MAD1L1: variants seen among roughly 807,000 people sequenced by gnomAD.
MAD1L1 encodes mitotic spindle assembly checkpoint protein MAD1.
Under a neutral mutation model 96.9 loss-of-function variants are expected in MAD1L1, and 95 were observed. That is an observed-to-expected ratio of 0.98 (90% CI 0.83 to 1.16). The LOEUF (loss-of-function observed/expected upper bound fraction) is 1.16, where lower values mean the gene tolerates loss of function less well. Ranked by LOEUF, MAD1L1 falls within the 50% of genes most tolerant of loss-of-function variation. The pLI is 0.00. For synonymous variants in MAD1L1, 473 were observed against 396.6 expected, an observed-to-expected ratio of 1.19 and a Z score of -2.29; for missense variants, 1,007 against 954.4, an observed-to-expected ratio of 1.06 and a Z score of -0.73.
At chr7:1,978,248 C>T (rs1371685068) in intron 15 of MAD1L1, among the ~76,000 whole-genome samples, 2 of 152,230 alleles carry the variant, frequency 1.3e-5, no homozygotes, top group Non-Finnish European at 2.9e-5. Context: ...TGGGCCATTC[C>T]TTCTGTCTCA....
At chr7:1,977,802 C>A (rs376789079) in intron 15 of MAD1L1, among the ~76,000 whole-genome samples, 1 of 152,238 alleles carries the variant, frequency 6.6e-6, no homozygotes, top group African/African-American at 2.4e-5. Flanking sequence ...TCTCAGAGAG[C>A]GGGGAGCCGT....
intron 11 of MAD1L1, among the ~76,000 whole-genome samples, chr7:2,085,303 C>T (rs1785857732): frequency 6.6e-6 from 1 of 152,192 alleles, no homozygotes; most frequent in Admixed American, 6.5e-5. Context: ...GAGCAAGTAA[C>T]GGTGCCTGCT....
At chr7:1,818,322 C>T (rs1488287054) in intron 18 of MAD1L1, among the ~76,000 whole-genome samples, 2 of 152,136 alleles carry the variant, frequency 1.3e-5, no homozygotes, top group African/African-American at 4.8e-5. Flanking sequence ...AGCTGTTTTC[C>T]AGGCACCCGC....
intron 12 of MAD1L1, among the ~76,000 whole-genome samples, chr7:2,035,281 AGCTGGG>A (rs1394914506): frequency 0.012 from 1,721 of 142,614 alleles, 16 homozygotes; most frequent in East Asian, 0.027. Context: ...GTCGGGACAG[AGCTGGG>A]GTCCAGGCTC....
chr7:1,904,294 G>A (rs6976858), intron 17 of MAD1L1, among the ~76,000 whole-genome samples: 32,406 of 136,060 alleles, frequency 0.24, 1,579 homozygotes, highest in South Asian at 0.33. Flanking sequence ...AGTGGCCTAT[G>A]GAAGACGCTC....
chr7:1,849,794 CGCAGTG>C (rs1273053856), intron 18 of MAD1L1: 13 of 111,904 alleles, frequency 1.2e-4, no homozygotes, highest in African/African-American at 3.1e-4. Flanking sequence ...AAGGTGACCC[CGCAGTG>C]GCAGCGGCAG....
intron 15 of MAD1L1, among the ~76,000 whole-genome samples, chr7:1,961,490 T>A (rs1361946311): frequency 1.3e-5 from 2 of 151,974 alleles, no homozygotes; most frequent in Non-Finnish European, 2.9e-5. Flanking sequence ...AAGGACAAAC[T>A]CTTCAACAAA....
chr7:2,195,510 CA>C (rs1487628650), intron 10 of MAD1L1, among the ~76,000 whole-genome samples: 1 of 152,166 alleles, frequency 6.6e-6, no homozygotes, highest in Non-Finnish European at 1.5e-5. Context: ...CCTATCAGCT[CA>C]AAAGCAGACA....
intron 10 of MAD1L1, among the ~76,000 whole-genome samples, chr7:2,172,613 G>T (rs527503705): frequency 2.6e-5 from 4 of 152,238 alleles, no homozygotes; most frequent in Non-Finnish European, 5.9e-5. Context: ...CACCTTGGCC[G>T]GCTCAACTTC....
At chr7:1,874,527 G>GT in intron 18 of MAD1L1, 1 of 455,762 alleles carries the variant, frequency 2.2e-6, no homozygotes, top group Non-Finnish European at 4.4e-6. Context: ...CGCACAGCTT[G>GT]TGGCTGAGTG....
intron 18 of MAD1L1, among the ~76,000 whole-genome samples, chr7:1,893,799 G>T (rs73288762): frequency 0.054 from 8,242 of 152,264 alleles, 529 homozygotes; most frequent in African/African-American, 0.15. Context: ...TGCACACCAG[G>T]GTCAGGAGCT....
chr7:2,045,069 T>C (rs1351374641), intron 12 of MAD1L1, among the ~76,000 whole-genome samples: 1 of 152,166 alleles, frequency 6.6e-6, no homozygotes, highest in Non-Finnish European at 1.5e-5. Context: ...AGCCCCGGCC[T>C]CTGATCACCT....
chr7:2,005,966 G>A (rs1393495944), intron 13 of MAD1L1, among the ~76,000 whole-genome samples: 3 of 152,110 alleles, frequency 2.0e-5, no homozygotes, highest in Non-Finnish European at 2.9e-5. Context: ...AGCTCAGCAC[G>A]CAGAGGGGCC....
chr7:1,874,397 G>A (rs1019304044), intron 18 of MAD1L1: 2 of 405,590 alleles, frequency 4.9e-6, no homozygotes, highest in African/African-American at 2.1e-5. Flanking sequence ...CCGGGACGGG[G>A]GTAAGACGGT....
chr7:1,901,539 G>A (rs1787243330), intron 17 of MAD1L1, among the ~76,000 whole-genome samples: 1 of 152,218 alleles, frequency 6.6e-6, no homozygotes, highest in Non-Finnish European at 1.5e-5. Context: ...AGCAGTGCAT[G>A]GGCTGAGGCG....
chr7:2,051,422 G>T (rs1177862608), intron 12 of MAD1L1, among the ~76,000 whole-genome samples: 2 of 152,210 alleles, frequency 1.3e-5, no homozygotes, highest in East Asian at 1.9e-4. Flanking sequence ...GACAGAAGGG[G>T]CTCCTGGGAT....
At chr7:2,202,776 GATA>G (rs1433310111) in intron 10 of MAD1L1, among the ~76,000 whole-genome samples, 1 of 152,188 alleles carries the variant, frequency 6.6e-6, no homozygotes, top group Non-Finnish European at 1.5e-5. Context: ...CGGTAACTAG[GATA>G]ATAAAACTGT....
intron 10 of MAD1L1, among the ~76,000 whole-genome samples, chr7:2,207,602 G>A (rs756376632): frequency 4.6e-5 from 7 of 152,158 alleles, no homozygotes; most frequent in African/African-American, 1.2e-4. Flanking sequence ...GAAGCTCCGC[G>A]CCTCTCCTCA....
intron 18 of MAD1L1, among the ~76,000 whole-genome samples, chr7:1,845,016 C>T (rs1195637211): frequency 6.6e-6 from 1 of 152,226 alleles, no homozygotes; most frequent in Non-Finnish European, 1.5e-5. Flanking sequence ...GGCTCCTGGA[C>T]TCACAGTGGG....
Sources: gnomAD v4.1 joint callset for allele counts (sites outside exome capture counted in the v4.1 genomes callset) on GRCh38, gnomAD v4.1.1 for gene constraint, MANE v1.5 for transcripts, NCBI Gene and HGNC (gene_info 2026-07-23, HGNC 2026-07-21) for gene names.